Variants in PRKG1 observed in about 807,000 individuals in gnomAD.
PRKG1 encodes protein kinase cGMP-dependent 1.
Under a neutral mutation model 88.1 loss-of-function variants are expected in PRKG1, and 35 were observed. The ratio of observed to expected loss-of-function variants is 0.40; its 90% CI spans 0.30 to 0.53. The LOEUF (loss-of-function observed/expected upper bound fraction) is 0.53, where lower values mean the gene tolerates loss of function less well. Among genes scored for constraint, PRKG1 ranks in the 20% least tolerant of loss-of-function variants. The pLI, the probability that PRKG1 is intolerant of heterozygous loss-of-function variation, is 0.59. For missense variants in PRKG1, 540 were observed against 839.8 expected (o/e 0.64, Z 4.41); for synonymous variants, 303 against 292.5 (o/e 1.04, Z -0.37).
At position 51,618,935 on chromosome 10, in the gene PRKG1, A is replaced by ATTT. The variant is rs3086927; in HGVS notation, c.592+151118_592+151120dup. On this transcript the variant is annotated intron_variant, in intron 3 of 17. Coordinates refer to ENST00000373980, the MANE Select transcript of PRKG1 (RefSeq NM_006258.4). ...AGGTGTAAGCCACCACACCCAGCTA[A>ATTT]TTTTTTTTTTTTTTTTTTTTTAGTA... Among the ~76,000 whole-genome samples, 400 of 123,524 alleles carry ATTT rather than the reference A, an allele frequency of 3.2e-3. 1 individual carries two copies. Among genetic ancestry groups the ATTT allele is most frequent in the African/African-American group, 0.011 (360 of 32,686 alleles). The allele number at this position is 123,524 out of a possible 152,430, so 81.0% of individuals were successfully genotyped here.
intron 2 of PRKG1, among the ~76,000 whole-genome samples, chr10:51,198,122 G>C (rs1030258805): frequency 4.6e-5 from 7 of 152,112 alleles, no homozygotes; most frequent in Admixed American, 6.5e-5. Context: ...ATGTTTGCAA[G>C]TCAGTAGTCA....
chr10:51,738,918 G>T (rs949347922), intron 3 of PRKG1, among the ~76,000 whole-genome samples: 4 of 151,806 alleles, frequency 2.6e-5, no homozygotes, highest in Non-Finnish European at 4.4e-5. Flanking sequence ...TTGTATTTAG[G>T]ACCAAAAATA....
intron 7 of PRKG1, among the ~76,000 whole-genome samples, chr10:52,104,654 A>G (rs559646517): frequency 3.2e-4 from 48 of 152,178 alleles, no homozygotes; most frequent in Non-Finnish European, 2.9e-4. Flanking sequence ...TATATAAATA[A>G]TCTTTCCAAG....
rs1838266154 is a variant in PRKG1, at chr10:51,589,853, G to T, written c.592+122017G>T. Among the ~76,000 whole-genome samples, 3 of 152,204 alleles carry T rather than the reference G, an allele frequency of 2.0e-5. No homozygotes were observed. In the South Asian group the frequency reaches 6.2e-4, roughly 32 times the overall value. On this transcript the variant is annotated intron_variant, in intron 3 of 17. Transcript: ENST00000373980. The stretch of plus-strand genomic sequence containing the variant: ...AAAATTAATTCTAGTAGAACTTAAA[G>T]TTACTCTATTTTAATTGGAGAAAGA...
intron 8 of PRKG1, among the ~76,000 whole-genome samples, chr10:52,160,233 G>C (rs72803153): frequency 6.6e-6 from 1 of 152,022 alleles, no homozygotes; most frequent in Non-Finnish European, 1.5e-5. Context: ...CTATGGGAAA[G>C]TGGGAAATTT....
intron 3 of PRKG1, among the ~76,000 whole-genome samples, chr10:51,624,345 C>G (rs1839281990): frequency 6.6e-6 from 1 of 152,176 alleles, no homozygotes; most frequent in South Asian, 2.1e-4. Flanking sequence ...AAGGAAGCTG[C>G]TCAATTAAGC....
At chr10:52,141,667 C>T (rs1259183075) in intron 8 of PRKG1, among the ~76,000 whole-genome samples, 2 of 152,112 alleles carry the variant, frequency 1.3e-5, no homozygotes, top group Non-Finnish European at 2.9e-5. Flanking sequence ...TGACTCTGCT[C>T]AAAGTAAAAG....
intron 4 of PRKG1, among the ~76,000 whole-genome samples, chr10:51,844,306 G>T (rs1564671773): frequency 6.6e-6 from 1 of 152,036 alleles, no homozygotes; most frequent in Non-Finnish European, 1.5e-5. Context: ...TGAATAACGT[G>T]TTCATCTTAC....
At chr10:52,016,893 A>G (rs1239822318) in intron 5 of PRKG1, among the ~76,000 whole-genome samples, 1 of 152,180 alleles carries the variant, frequency 6.6e-6, no homozygotes, top group Non-Finnish European at 1.5e-5. Context: ...GGAGGAGGGT[A>G]TATTAACTAG....
chr10:52,125,375 G>A (rs1022058233), intron 7 of PRKG1, among the ~76,000 whole-genome samples: 2 of 152,120 alleles, frequency 1.3e-5, no homozygotes, highest in African/African-American at 4.8e-5. Context: ...AAACTCCACC[G>A]TTGGGTCTTA....
At chr10:51,638,010 G>A (rs1839701531) in intron 3 of PRKG1, among the ~76,000 whole-genome samples, 1 of 152,182 alleles carries the variant, frequency 6.6e-6, no homozygotes, top group Non-Finnish European at 1.5e-5. Context: ...AGTTGAGTGA[G>A]AAAGGAAACA....
chr10:52,156,897 G>A (rs1188235284), intron 8 of PRKG1, among the ~76,000 whole-genome samples: 1 of 151,480 alleles, frequency 6.6e-6, no homozygotes, highest in Non-Finnish European at 1.5e-5. Context: ...AAAGCATAAC[G>A]GTATAGCCTG....
rs373659939 is a variant in PRKG1 at position 51,463,414 on chromosome 10, A to G, written c.479-4309A>G. On this transcript the variant is annotated intron_variant, in intron 2 of 17. Coordinates refer to ENST00000373980, the MANE Select transcript of PRKG1 (RefSeq NM_006258.4). ...TTACCCTCTTTGCCACCTAAATAAT[A>G]ACATATAAGTTCATCTACTTTCTAT... Among the ~76,000 whole-genome samples, 17 of 152,304 alleles carry G rather than the reference A, an allele frequency of 1.1e-4. No individual in the cohort carries two copies. The South Asian group carries it at 3.5e-3, about 32-fold the overall frequency.
rs137993579 is a variant in PRKG1 at position 52,106,553 on chromosome 10, G to T, written c.936-27287G>T. 2.0e-4 allele frequency among the ~76,000 whole-genome samples: 30 copies of T among 151,942 alleles called. No homozygotes were observed. The East Asian group carries it at 2.7e-3, about 14-fold the overall frequency. ...CTTTAGGCCAGCACTTCATGGTTTT[G>T]TCCTCCAGTGACACAAATCACAGAT... On this transcript the variant is annotated intron_variant, in intron 7 of 17. Transcript: ENST00000373980.
chr10:52,213,831 G>A (rs975019097), intron 9 of PRKG1, among the ~76,000 whole-genome samples: 3 of 152,154 alleles, frequency 2.0e-5, no homozygotes, highest in Non-Finnish European at 4.4e-5. Flanking sequence ...CTATGTAAAT[G>A]TAAATGTTAA....
intron 3 of PRKG1, among the ~76,000 whole-genome samples, chr10:51,586,949 A>G (rs1349273092): frequency 1.3e-5 from 2 of 152,144 alleles, no homozygotes; most frequent in Non-Finnish European, 2.9e-5. Context: ...GCATTTCTCA[A>G]GAGAAATCTA....
At chr10:51,062,320 A>G (rs1253236060) in intron 1 of PRKG1, among the ~76,000 whole-genome samples, 2 of 152,174 alleles carry the variant, frequency 1.3e-5, no homozygotes, top group Non-Finnish European at 1.5e-5. Flanking sequence ...TCAGCTTCTA[A>G]TTTATGCTTA....
At chr10:52,239,521 T>TAAAAAAAA in intron 9 of PRKG1, among the ~76,000 whole-genome samples, 12 of 56,736 alleles carry the variant, frequency 2.1e-4, no homozygotes, top group Admixed American at 2.9e-4. Flanking sequence ...TTCTACAGTG[T>TAAAAAAAA]AAAAAAAAAA....
intron 5 of PRKG1, among the ~76,000 whole-genome samples, chr10:51,945,865 C>A (rs1295088219): frequency 6.6e-6 from 1 of 151,650 alleles, no homozygotes; most frequent in Non-Finnish European, 1.5e-5. Flanking sequence ...GTAACCCGAC[C>A]TTTCTCTCTG....
Sources: allele counts gnomAD v4.1 joint callset (sites outside exome capture counted in the v4.1 genomes callset), GRCh38; gene constraint gnomAD v4.1.1; transcripts MANE v1.5; gene names NCBI Gene and HGNC (gene_info 2026-07-23, HGNC 2026-07-21).